The following NWD1 variants were observed in gnomAD, a reference collection of about 807,000 sequenced individuals.
The protein encoded by NWD1 is NACHT and WD repeat domain containing 1, also known as NACHT domain- and WD repeat-containing protein 1.
Under a neutral mutation model 135.1 loss-of-function variants are expected in NWD1, and 129 were observed. The observed-to-expected ratio is 0.96, with a 90% CI of 0.83 to 1.11. NWD1 has a LOEUF of 1.11. Ranked by LOEUF, NWD1 falls within the 50% of genes least tolerant of loss-of-function variation. NWD1 has a pLI of 0.00. For synonymous variants in NWD1, 773 were observed against 786.0 expected (o/e 0.98, Z 0.28); for missense variants, 1,740 against 1,851.3 (o/e 0.94, Z 1.10).
intron 4 of NWD1, among the ~76,000 whole-genome samples, chr19:16,744,201 T>C (rs950610237): frequency 1.3e-5 from 2 of 151,818 alleles, no homozygotes; most frequent in Non-Finnish European, 2.9e-5. Flanking sequence ...CCAGCCCGGG[T>C]AATGTAGTGA....
At chr19:16,797,549 T>A (rs1053974132) in intron 15 of NWD1, among the ~76,000 whole-genome samples, 183 bp from the exon 16 acceptor site, 15 of 152,086 alleles carry the variant, frequency 9.9e-5, no homozygotes, top group African/African-American at 3.4e-4. Flanking sequence ...GGGTTCACCA[T>A]GTTGGCCAGG....
chr19:16,752,123 CTT>C (rs1314624207), intron 6 of NWD1, among the ~76,000 whole-genome samples: 1 of 152,134 alleles, frequency 6.6e-6, no homozygotes, highest in African/African-American at 2.4e-5. Flanking sequence ...AGGAACAAAA[CTT>C]TGCCTTTACT....
chr19:16,779,292 T>C, intron 11 of NWD1, 51 bp from the exon 12 acceptor site: 3 of 1,611,064 alleles, frequency 1.9e-6, no homozygotes, highest in East Asian at 2.2e-5. Flanking sequence ...CATAGCTGAA[T>C]ACTTGGACAC....
At chr19:16,755,663 C>T (rs34560566) in intron 6 of NWD1, among the ~76,000 whole-genome samples, 6,899 of 151,554 alleles carry the variant, frequency 0.046, 515 homozygotes, top group African/African-American at 0.16. Context: ...GCTAGGATTA[C>T]AGGAATGAGC....
chr19:16,749,130 C>T lies in NWD1; in HGVS notation c.497-9C>T. On this transcript the variant is annotated splice_polypyrimidine_tract_variant and intron_variant, in intron 5 of 18. Transcript: ENST00000524140. ...CCACACTTCCTTCCCACCTTCCCCA[C>T]TTTGGCAGTCATTGAGTGGGAGATA... The T allele has an allele frequency of 6.3e-7, 1 of 1,581,144 alleles. No individual in the cohort carries two copies. The highest frequency in any genetic ancestry group is 2.2e-5 in the East Asian group (1 of 44,458).
chr19:16,789,909 G>A (rs1970184898), intron 13 of NWD1, among the ~76,000 whole-genome samples: 1 of 151,928 alleles, frequency 6.6e-6, no homozygotes. Flanking sequence ...GTAGAGACAG[G>A]GTTTCACCAT....
At chr19:16,728,523 C>A (rs900105291) in intron 2 of NWD1, among the ~76,000 whole-genome samples, 1 of 151,908 alleles carries the variant, frequency 6.6e-6, no homozygotes, top group Non-Finnish European at 1.5e-5. Flanking sequence ...GACCTCAGGT[C>A]ATCTGCCCCA....
At chr19:16,754,178 C>T (rs990288647) in intron 6 of NWD1, among the ~76,000 whole-genome samples, 22 of 151,562 alleles carry the variant, frequency 1.5e-4, no homozygotes, top group Admixed American at 9.2e-4. Context: ...TCCATCTATC[C>T]ATCATCTCGA....
intron 2 of NWD1, among the ~76,000 whole-genome samples, chr19:16,726,922 G>T (rs978230708): frequency 6.6e-6 from 1 of 152,160 alleles, no homozygotes; most frequent in African/African-American, 2.4e-5. Flanking sequence ...TCCCCTGGGG[G>T]CTGAATGGTC....
chr19:16,810,983 A>G (rs1970907943), intron 18 of NWD1, among the ~76,000 whole-genome samples: 1 of 152,104 alleles, frequency 6.6e-6, no homozygotes, highest in South Asian at 2.1e-4. Context: ...CTTCCACCTC[A>G]GCCTCCTAAG....
At chr19:16,722,449 C>T (rs1967174682) in intron 1 of NWD1, among the ~76,000 whole-genome samples, 2 of 151,852 alleles carry the variant, frequency 1.3e-5, no homozygotes, top group Admixed American at 1.3e-4. Flanking sequence ...ACCATCACGC[C>T]CAGCTAATTT....
At chr19:16,782,072 C>A (rs1232553507) in intron 12 of NWD1, among the ~76,000 whole-genome samples, 2 of 137,366 alleles carry the variant, frequency 1.5e-5, no homozygotes, top group African/African-American at 5.5e-5. Context: ...CCAGCCTGGG[C>A]GACAGAGTGA....
At chr19:16,786,163 C>T (rs1445720062) in intron 12 of NWD1, among the ~76,000 whole-genome samples, 1 of 149,734 alleles carries the variant, frequency 6.7e-6, no homozygotes, top group Non-Finnish European at 1.5e-5. Context: ...CTGTGCCAGC[C>T]TATTTTTATT....
rs144054207 is a variant in NWD1, at chr19:16,761,992, G to A, written c.1987G>A (p.Val663Met). 2,227 of 1,613,974 alleles carry A rather than the reference G, an allele frequency of 1.4e-3. 6 individuals carry two copies. The highest frequency in any genetic ancestry group is 1.8e-3 in the Non-Finnish European group (2,080 of 1,179,924). ...LAIAHRQLVEVVRERYLSGSE... is the reference protein window; with the variant it reads ...LAIAHRQLVEMVRERYLSGSE... ...CCCTCTCTGTAGACAGCTGGTCGAG[G>A]TGGTCCGTGAGCGCTACCTGTCAGG... The change falls in exon 8 of 19, where the codon GTG (valine) becomes ATG (methionine). Residue 663 changes from valine (V) to methionine (M), a missense_variant. Transcript: ENST00000524140.
chr19:16,764,027 G>A lies in NWD1; in HGVS notation c.2251+82G>A, dbSNP rs750602579. 9.5e-6 allele frequency: 8 copies of A among 838,972 alleles called. No homozygotes were observed. The Admixed American group carries it at 1.4e-4, about 15-fold the overall frequency. The allele number at this position is 838,972 out of a possible 1,614,324, so 52.0% of individuals were successfully genotyped here. A position where few individuals can be genotyped will look rare whatever the true frequency, so the allele number is the denominator to read the frequency against. On this transcript the variant is annotated intron_variant, in intron 9 of 18. Transcript: ENST00000524140. ...TCTTCTAGAGCCTGGGGAGGGTGAAGGGCAAACATGGAAATCCTTCGTTCC... is the reference window on the plus strand; with the variant it reads ...TCTTCTAGAGCCTGGGGAGGGTGAAAGGCAAACATGGAAATCCTTCGTTCC...
intron 6 of NWD1, 36 bp downstream of exon 6, chr19:16,750,447 T>C: frequency 6.9e-7 from 1 of 1,441,986 alleles, no homozygotes; most frequent in Non-Finnish European, 9.2e-7. Flanking sequence ...TATTTATTTA[T>C]TTATGTTTTC....
intron 12 of NWD1, among the ~76,000 whole-genome samples, chr19:16,784,539 C>T (rs182861750): frequency 1.3e-5 from 2 of 152,156 alleles, no homozygotes; most frequent in Admixed American, 1.3e-4. Context: ...GCACAGGGAG[C>T]AGCAAGTGCA....
intron 6 of NWD1, among the ~76,000 whole-genome samples, chr19:16,754,995 T>A (rs1968734376): frequency 6.6e-6 from 1 of 152,180 alleles, no homozygotes; most frequent in Non-Finnish European, 1.5e-5. Context: ...CTTCTAGTAA[T>A]CTATCATTGT....
At chr19:16,777,969 A>G (rs957211420) in intron 11 of NWD1, among the ~76,000 whole-genome samples, 9 of 116,888 alleles carry the variant, frequency 7.7e-5, no homozygotes. Context: ...AGGGAAGGGA[A>G]AGGGAAGGAA....
Sources: allele counts gnomAD v4.1 joint callset (sites outside exome capture counted in the v4.1 genomes callset), GRCh38; gene constraint gnomAD v4.1.1; transcripts MANE v1.5; gene names NCBI Gene and HGNC (gene_info 2026-07-23, HGNC 2026-07-21).